MYT1L: variants seen among roughly 807,000 people sequenced by gnomAD.
MYT1L encodes the protein myelin transcription factor 1 like, also known as myelin transcription factor 1-like protein.
Under a neutral mutation model 126.7 loss-of-function variants are expected in MYT1L, and 12 were observed. That is an observed-to-expected ratio of 0.09 (90% CI 0.06 to 0.15). The LOEUF is 0.15. Ranked by LOEUF, MYT1L falls within the 10% of genes least tolerant of loss-of-function variation. The pLI is 1.00. For synonymous variants in MYT1L, 541 were observed against 604.2 expected (o/e 0.90, Z 1.53); for missense variants, 979 against 1,585.2 (o/e 0.62, Z 6.49).
At position 1,943,187 on chromosome 2, in the gene MYT1L, A is replaced by T; in HGVS notation, c.300T>A (p.Asp100Glu). ...CDDSDGTEDMDEKEEDEGEEY... is the reference protein window; with the variant it reads ...CDDSDGTEDMEEKEEDEGEEY... ...CCTCCCCCTCATCCTCCTCCTTCTC[A>T]TCCATGTCCTCAGTCCCATCACTGT... Residue 100 changes from aspartate to glutamate, a missense_variant, in exon 9 of 25, where the codon GAT (aspartate) becomes GAA (glutamate). Coordinates refer to ENST00000647738, the MANE Select transcript of MYT1L (RefSeq NM_001303052.2). This position sits in a 1 kb window ranked among gnomAD's most constrained non-coding sequence, Gnocchi z 4.4. The T allele has an allele frequency of 6.5e-7, 1 of 1,549,786 alleles. No individual in the cohort carries two copies. Among genetic ancestry groups the T allele is most frequent in the South Asian group, 1.2e-5 (1 of 83,966 alleles).
At chr2:2,089,181 A>G (rs1450483743) in intron 3 of MYT1L, among the ~76,000 whole-genome samples, 1 of 152,204 alleles carries the variant, frequency 6.6e-6, no homozygotes, top group East Asian at 1.9e-4. Context: ...GGTCAGGTCT[A>G]AAGTAATTTA....
chr2:1,846,899 G>A (rs534620898), intron 19 of MYT1L, among the ~76,000 whole-genome samples: 8 of 152,324 alleles, frequency 5.3e-5, no homozygotes, highest in Admixed American at 1.3e-4. Context: ...AGCGGGACCT[G>A]AGACTCTCCA....
intron 4 of MYT1L, among the ~76,000 whole-genome samples, chr2:2,038,234 A>G (rs2067108494): frequency 6.6e-6 from 1 of 152,140 alleles, no homozygotes; most frequent in African/African-American, 2.4e-5. Flanking sequence ...TTTTATCACT[A>G]TTATTTTATT....
chr2:1,993,003 C>G (rs2149579341), intron 5 of MYT1L, among the ~76,000 whole-genome samples: 1 of 152,294 alleles, frequency 6.6e-6, no homozygotes, highest in South Asian at 2.1e-4. Context: ...CGCAAGAAGA[C>G]AGCTCCACCT....
Position 1,979,330 on chromosome 2 carries a change from G to T in MYT1L, c.90-103C>A. On this transcript the variant is annotated intron_variant, in intron 7 of 24. Coordinates refer to ENST00000647738, the MANE Select transcript of MYT1L (RefSeq NM_001303052.2). This position sits in a 1 kb window ranked among gnomAD's most constrained non-coding sequence, Gnocchi z 4.0. ...AGGAGGGCGGCTCAGACAGAGGAGA[G>T]AAATCACACAATCCAAAGGAGGGGG... 1 of 1,176,030 alleles carries T rather than the reference G, an allele frequency of 8.5e-7. No individual in the cohort carries two copies. The highest frequency in any genetic ancestry group is 1.3e-5 in the South Asian group (1 of 77,158). 72.8% of individuals were successfully genotyped at this position (1,176,030 alleles called of 1,614,324 possible). A position where few individuals can be genotyped will look rare whatever the true frequency, so the allele number is the denominator to read the frequency against.
intron 3 of MYT1L, among the ~76,000 whole-genome samples, chr2:2,142,288 T>G (rs534364458): frequency 1.2e-3 from 181 of 152,318 alleles, no homozygotes; most frequent in African/African-American, 4.1e-3. Context: ...CAGTGGATGT[T>G]TAGAAGACAG....
chr2:1,919,797 C>T lies in MYT1L; in HGVS notation c.1484-2458G>A, dbSNP rs190158419. Among the ~76,000 whole-genome samples the T allele has an allele frequency of 1.5e-3, 235 of 152,250 alleles. 1 individual carries two copies. The highest frequency in any genetic ancestry group is 4.3e-3 in the African/African-American group (180 of 41,550). ...AGGCTGGAGTTCAGTGGCACAATCT[C>T]GGCTCACTGCAAGCTCCGCCTCCCA... On this transcript the variant is annotated intron_variant, in intron 10 of 24. Transcript: ENST00000647738.
intron 1 of MYT1L, among the ~76,000 whole-genome samples, chr2:2,314,069 C>T (rs538191103): frequency 5.9e-5 from 9 of 152,040 alleles, no homozygotes; most frequent in South Asian, 2.1e-4. Context: ...GTTATTTTTG[C>T]GTACCATGAG....
intron 19 of MYT1L, among the ~76,000 whole-genome samples, chr2:1,844,495 G>A (rs1433352866): frequency 6.6e-6 from 1 of 152,174 alleles, no homozygotes; most frequent in African/African-American, 2.4e-5. Context: ...ATTCTCTACA[G>A]AATGACTATT....
At chr2:2,164,445 C>T (rs901470272) in intron 3 of MYT1L, among the ~76,000 whole-genome samples, 2 of 152,140 alleles carry the variant, frequency 1.3e-5, no homozygotes, top group African/African-American at 4.8e-5. Flanking sequence ...GAACAAAACA[C>T]GTGGGGATCA....
intron 3 of MYT1L, among the ~76,000 whole-genome samples, chr2:2,154,853 G>C (rs1053020167): frequency 2.0e-5 from 3 of 152,228 alleles, no homozygotes; most frequent in African/African-American, 7.2e-5. Flanking sequence ...GCGGCCGGGT[G>C]CAGTGGCTCA....
chr2:2,241,600 C>T (rs770921141), intron 2 of MYT1L, among the ~76,000 whole-genome samples: 37 of 152,098 alleles, frequency 2.4e-4, no homozygotes, highest in Non-Finnish European at 4.3e-4. Flanking sequence ...AATCCAAATG[C>T]GTTTCTTTCT....
intron 1 of MYT1L, among the ~76,000 whole-genome samples, chr2:2,310,015 C>T (rs1400165177): frequency 6.6e-6 from 1 of 151,950 alleles, no homozygotes; most frequent in South Asian, 2.1e-4. Context: ...CTTCAATATA[C>T]TCTATGTATA....
chr2:1,925,916 T>A (rs977229629), intron 9 of MYT1L, among the ~76,000 whole-genome samples: 4 of 152,146 alleles, frequency 2.6e-5, no homozygotes, highest in African/African-American at 9.7e-5. Flanking sequence ...AAGAACCATG[T>A]CACAGGATAT....
chr2:2,121,734 C>T (rs2081045606), intron 3 of MYT1L, among the ~76,000 whole-genome samples: 1 of 152,180 alleles, frequency 6.6e-6, no homozygotes, highest in Non-Finnish European at 1.5e-5. Flanking sequence ...ATCCGCCCAC[C>T]TCGGCCTCCC....
At chr2:2,047,144 T>G (rs1463482778) in intron 4 of MYT1L, among the ~76,000 whole-genome samples, 1 of 152,244 alleles carries the variant, frequency 6.6e-6, no homozygotes, top group African/African-American at 2.4e-5. Flanking sequence ...CACTAAAATT[T>G]CCACCTTTCT....
chr2:1,810,708 C>A (rs2036482502), intron 21 of MYT1L, among the ~76,000 whole-genome samples: 1 of 152,124 alleles, frequency 6.6e-6, no homozygotes, highest in Admixed American at 6.5e-5. Flanking sequence ...CAGGAAAATT[C>A]ATAGCAGAAG....
intron 8 of MYT1L, among the ~76,000 whole-genome samples, chr2:1,949,415 T>C (rs966028177): frequency 2.6e-5 from 4 of 152,010 alleles, no homozygotes; most frequent in Admixed American, 1.3e-4. Context: ...CCTGGGCCCA[T>C]GCGGATGCCT....
chr2:2,158,402 C>T (rs1380475112), intron 3 of MYT1L, among the ~76,000 whole-genome samples: 1 of 152,182 alleles, frequency 6.6e-6, no homozygotes, highest in Non-Finnish European at 1.5e-5. Context: ...TTGCATGTTC[C>T]AGGCTGTCAT....
Sources: allele counts gnomAD v4.1 joint callset (sites outside exome capture counted in the v4.1 genomes callset), GRCh38; gene constraint gnomAD v4.1.1; non-coding constraint Gnocchi (gnomAD v3.1); transcripts MANE v1.5; gene names NCBI Gene and HGNC (gene_info 2026-07-23, HGNC 2026-07-21).